COL11A1: variants seen among roughly 807,000 people sequenced by gnomAD.
The protein encoded by COL11A1 is collagen type XI alpha 1 chain.
Under a neutral mutation model 265.2 loss-of-function variants are expected in COL11A1, and 74 were observed. That is an observed-to-expected ratio of 0.28 (90% CI 0.23 to 0.34). The LOEUF is 0.34. Ranked by LOEUF, COL11A1 falls within the 10% of genes least tolerant of loss-of-function variation. The pLI is 1.00. For synonymous variants in COL11A1, 816 were observed against 727.6 expected (o/e 1.12, Z -1.96); for missense variants, 2,165 against 2,263.6 (o/e 0.96, Z 0.88).
At chr1:103,004,543 A>G in intron 19 of COL11A1, 55 bp from the exon 20 acceptor site, 1 of 1,589,534 alleles carries the variant, frequency 6.3e-7, no homozygotes, top group Admixed American at 1.7e-5. Context: ...GTATCATTTC[A>G]ACATGATTTT....
chr1:103,044,958 G>C (rs982550438), intron 4 of COL11A1, among the ~76,000 whole-genome samples: 1 of 152,080 alleles, frequency 6.6e-6, no homozygotes, highest in Admixed American at 6.6e-5. Flanking sequence ...AAGTTTCACT[G>C]ATTAAGAGAC....
At chr1:102,973,723 G>A (rs1020370897) in intron 36 of COL11A1, among the ~76,000 whole-genome samples, 3 of 152,008 alleles carry the variant, frequency 2.0e-5, no homozygotes, top group Non-Finnish European at 4.4e-5. Flanking sequence ...CATATGTATC[G>A]ATCTTTCTAT....
chr1:103,087,787 C>A (rs72685234), intron 1 of COL11A1, among the ~76,000 whole-genome samples: 3,683 of 152,256 alleles, frequency 0.024, 69 homozygotes, highest in Non-Finnish European at 0.039. Flanking sequence ...TATTATAGCA[C>A]CTTTCATACT....
intron 9 of COL11A1, among the ~76,000 whole-genome samples, chr1:103,019,726 T>C (rs1666851357): frequency 7.0e-6 from 1 of 142,554 alleles, no homozygotes; most frequent in Non-Finnish European, 1.5e-5. Context: ...CTCCCAATGC[T>C]ATCCCTCCCC....
chr1:102,929,015 T>C (rs1192844356), intron 46 of COL11A1, among the ~76,000 whole-genome samples: 9 of 135,978 alleles, frequency 6.6e-5, no homozygotes, highest in African/African-American at 1.3e-4. Context: ...GAGTAGGTTG[T>C]GAAAATTTTC....
intron 31 of COL11A1, among the ~76,000 whole-genome samples, chr1:102,982,527 G>A (rs1386716952): frequency 6.6e-6 from 1 of 152,004 alleles, no homozygotes; most frequent in Non-Finnish European, 1.5e-5. Flanking sequence ...GAAGCTAACT[G>A]GGAGACAGAG....
At chr1:103,049,099 C>T (rs1238280151) in intron 4 of COL11A1, among the ~76,000 whole-genome samples, 4 of 152,096 alleles carry the variant, frequency 2.6e-5, no homozygotes, top group South Asian at 2.1e-4. Flanking sequence ...GAGAGTTCTG[C>T]AGATGTCTAT....
intron 4 of COL11A1, among the ~76,000 whole-genome samples, chr1:103,038,648 G>A (rs886206111): frequency 2.0e-5 from 3 of 152,124 alleles, no homozygotes; most frequent in Admixed American, 2.0e-4. Flanking sequence ...TGTCATTTGA[G>A]TGTCATTTGA....
chr1:102,929,346 G>T (rs974766111), intron 46 of COL11A1, among the ~76,000 whole-genome samples: 29 of 152,156 alleles, frequency 1.9e-4, no homozygotes, highest in Non-Finnish European at 4.0e-4. Context: ...TATTAAATAG[G>T]GAATCCTTTC....
At chr1:103,073,970 T>C (rs1164754934) in intron 4 of COL11A1, among the ~76,000 whole-genome samples, 1 of 151,946 alleles carries the variant, frequency 6.6e-6, no homozygotes, top group Non-Finnish European at 1.5e-5. Flanking sequence ...ATAAATAATG[T>C]CTCGAGAGTG....
At chr1:102,878,399 T>C (rs900512361) in intron 66 of COL11A1, among the ~76,000 whole-genome samples, 3 of 145,308 alleles carry the variant, frequency 2.1e-5, no homozygotes, top group African/African-American at 7.5e-5. Context: ...GTGCTATATA[T>C]TTTGTAATTA....
chr1:102,913,634 C>A lies in COL11A1; in HGVS notation c.4032+3G>T. ...TTAAAAATAAATTAGTGCATTTACT[C>A]ACCGGTTGACCAGGATCTCCATCTT... On this transcript the variant is annotated splice_donor_region_variant and intron_variant, in intron 53 of 66. Transcript: ENST00000370096. The A allele has an allele frequency of 6.2e-7, 1 of 1,613,030 alleles. No individual in the cohort carries two copies. The highest frequency in any genetic ancestry group is 2.2e-5 in the East Asian group (1 of 44,766).
chr1:102,947,404 G>C (rs10047217), intron 41 of COL11A1, among the ~76,000 whole-genome samples: 2 of 151,724 alleles, frequency 1.3e-5, no homozygotes, highest in African/African-American at 4.8e-5. Flanking sequence ...CTGAACCAAG[G>C]TTTCAAAATA....
chr1:102,880,134 C>T, intron 65 of COL11A1: 1 of 515,796 alleles, frequency 1.9e-6, no homozygotes, highest in Non-Finnish European at 3.5e-6. Context: ...GTAGCCACTG[C>T]TTATCTTTGA....
At chr1:102,878,715 G>A (rs1489317289) in intron 66 of COL11A1, among the ~76,000 whole-genome samples, 5 of 151,020 alleles carry the variant, frequency 3.3e-5, no homozygotes, top group African/African-American at 1.2e-4. Context: ...CACTTTGTTG[G>A]CCAGGCTGGT....
In COL11A1 at chr1:103,064,938, T is replaced by A. The variant is rs185332515; in HGVS notation, c.651+9680A>T. Among the ~76,000 whole-genome samples, 581 of 152,124 alleles carry A rather than the reference T, an allele frequency of 3.8e-3. 4 individuals carry two copies. The highest frequency in any genetic ancestry group is 0.013 in the African/African-American group (550 of 41,498). ...AGAGAAAGAAAGATTTTTAGTGCAG[T>A]AAAATTATTCTTTTAGGTACTAATA... On this transcript the variant is annotated intron_variant, in intron 4 of 66. Transcript: ENST00000370096.
rs554537151 is a variant in COL11A1, at chr1:102,934,022, A to C, written c.3600+427T>G. The stretch of plus-strand genomic sequence containing the variant: ...CCTAGTGAGATGAACCCGGTACCTC[A>C]GATGAAAATGCAGAAATCACCTGTA... On this transcript the variant is annotated intron_variant, in intron 46 of 66. Coordinates refer to ENST00000370096, the MANE Select transcript of COL11A1 (RefSeq NM_001854.4). Among the ~76,000 whole-genome samples the C allele has an allele frequency of 2.0e-3, 308 of 152,308 alleles. 1 individual carries two copies. The highest frequency in any genetic ancestry group is 7.1e-3 in the African/African-American group (294 of 41,570).
chr1:103,063,394 A>G (rs919722480), intron 4 of COL11A1, among the ~76,000 whole-genome samples: 2 of 152,144 alleles, frequency 1.3e-5, no homozygotes, highest in African/African-American at 2.4e-5. Context: ...TAGAATAAAG[A>G]TCCTAGAAAA....
At chr1:103,106,828 G>A (rs1674729587) in intron 1 of COL11A1, among the ~76,000 whole-genome samples, 1 of 152,094 alleles carries the variant, frequency 6.6e-6, no homozygotes, top group Admixed American at 6.6e-5. Flanking sequence ...CCTCCGGGAG[G>A]GCTGACTCTC....
Sources: gnomAD v4.1 joint callset for allele counts (sites outside exome capture counted in the v4.1 genomes callset) on GRCh38, gnomAD v4.1.1 for gene constraint, MANE v1.5 for transcripts, NCBI Gene and HGNC (gene_info 2026-07-23, HGNC 2026-07-21) for gene names.